Variants in UACA observed in about 807,000 individuals in gnomAD.
UACA encodes the protein uveal autoantigen with coiled-coil domains and ankyrin repeats, also known as nuclear membrane binding protein.
UACA carries 112 observed loss-of-function variants against 160.5 expected under a neutral mutation model. The observed-to-expected ratio is 0.70, with a 90% confidence interval of 0.60 to 0.82. The LOEUF (loss-of-function observed/expected upper bound fraction) is 0.82, where lower values mean the gene tolerates loss of function less well. Among genes scored for constraint, UACA ranks in the 40% least tolerant of loss-of-function variants. The probability of loss-of-function intolerance (pLI) is 0.00; values close to 1 mark genes in which losing one functional copy is unlikely to be tolerated. For missense variants in UACA, 1,574 were observed against 1,614.6 expected, an observed-to-expected ratio of 0.97 and a Z score of 0.43; for synonymous variants, 557 against 568.4, an observed-to-expected ratio of 0.98 and a Z score of 0.29.
At chr15:70,717,191 A>T (rs1212456185) in intron 1 of UACA, among the ~76,000 whole-genome samples, 1 of 152,212 alleles carries the variant, frequency 6.6e-6, no homozygotes, top group African/African-American at 2.4e-5. Context: ...ATTGCACTCC[A>T]ACCTGAGCAA....
At chr15:70,686,683 TA>T (rs1156931242) in intron 7 of UACA, among the ~76,000 whole-genome samples, 2 of 152,038 alleles carry the variant, frequency 1.3e-5, no homozygotes, top group East Asian at 3.8e-4. Flanking sequence ...AACTAAAGAC[TA>T]TTTTTTATAC....
rs151041477 is a variant in UACA at position 70,749,127 on chromosome 15, A to G, written c.78+14203T>C. The G allele has an allele frequency of 3.0e-4, 112 of 377,272 alleles. 1 individual carries two copies. In the East Asian group the frequency reaches 9.3e-3, roughly 31 times the overall value. The allele number at this position is 377,272 out of a possible 1,614,324, so 23.4% of individuals were successfully genotyped here. ...TATTATACATATATAGAGTGAATGCACCAAAATGTTAACTTTCGGATCTAA... is the reference window on the plus strand; with the variant it reads ...TATTATACATATATAGAGTGAATGCGCCAAAATGTTAACTTTCGGATCTAA... On this transcript the variant is annotated intron_variant, in intron 1 of 18. Transcript: ENST00000322954.
At chr15:70,725,203 T>TA (rs1899109322) in intron 1 of UACA, among the ~76,000 whole-genome samples, 1 of 152,154 alleles carries the variant, frequency 6.6e-6, no homozygotes, top group Non-Finnish European at 1.5e-5. Context: ...CATAATGATA[T>TA]AAAAAATCTA....
At chr15:70,678,730 T>C (rs987746487) in intron 10 of UACA, among the ~76,000 whole-genome samples, 1 of 152,202 alleles carries the variant, frequency 6.6e-6, no homozygotes, top group Admixed American at 6.5e-5. Flanking sequence ...GGTGTTTCAG[T>C]CATAAAATTA....
At chr15:70,657,173 T>A (rs372872951) in intron 18 of UACA, 46 bp from the exon 19 acceptor site, 25 of 1,491,428 alleles carry the variant, frequency 1.7e-5, no homozygotes, top group Non-Finnish European at 2.2e-5. Flanking sequence ...GTCATCTTTG[T>A]TTACATAAGA....
intron 1 of UACA, among the ~76,000 whole-genome samples, chr15:70,748,515 C>T (rs1029898469): frequency 6.6e-6 from 1 of 152,154 alleles, no homozygotes; most frequent in African/African-American, 2.4e-5. Context: ...TCCAAAGCTC[C>T]GGTACTTGGC....
chr15:70,729,354 A>AT (rs1899246654), intron 1 of UACA, among the ~76,000 whole-genome samples: 2 of 152,228 alleles, frequency 1.3e-5, no homozygotes, highest in South Asian at 2.1e-4. Flanking sequence ...CTACTTAGCC[A>AT]TAAAAAAAGA....
intron 1 of UACA, among the ~76,000 whole-genome samples, chr15:70,748,322 C>T (rs896958973): frequency 1.3e-5 from 2 of 152,276 alleles, no homozygotes; most frequent in East Asian, 1.9e-4. Context: ...GTAGTCTATA[C>T]ACCACTATGC....
At chr15:70,714,172 A>G (rs551726785) in intron 1 of UACA, among the ~76,000 whole-genome samples, 17 of 152,338 alleles carry the variant, frequency 1.1e-4, no homozygotes, top group Admixed American at 3.3e-4. Flanking sequence ...CATTCCTTGA[A>G]GATTAGGCTG....
At chr15:70,709,992 G>T (rs2140978109) in intron 1 of UACA, among the ~76,000 whole-genome samples, 1 of 152,202 alleles carries the variant, frequency 6.6e-6, no homozygotes, top group South Asian at 2.1e-4. Flanking sequence ...AATCTAATGA[G>T]GCAGGGTGTG....
intron 17 of UACA, among the ~76,000 whole-genome samples, chr15:70,662,783 T>C (rs1044327881): frequency 1.3e-5 from 2 of 152,186 alleles, no homozygotes; most frequent in Admixed American, 6.5e-5. Context: ...ATTTAATAAA[T>C]GGTGCTGGGA....
intron 1 of UACA, among the ~76,000 whole-genome samples, chr15:70,721,436 TA>T (rs1898989102): frequency 6.6e-6 from 1 of 152,014 alleles, no homozygotes; most frequent in South Asian, 2.1e-4. Flanking sequence ...CCATCCTGGC[TA>T]ACACGGTGAA....
At chr15:70,742,990 A>C (rs1267060944) in intron 1 of UACA, among the ~76,000 whole-genome samples, 1 of 152,192 alleles carries the variant, frequency 6.6e-6, no homozygotes, top group Non-Finnish European at 1.5e-5. Context: ...GGTGCCAGCC[A>C]GGCTGGGTTC....
At chr15:70,749,157 C>T in intron 1 of UACA, 1 of 412,102 alleles carries the variant, frequency 2.4e-6, no homozygotes, top group Non-Finnish European at 4.9e-6. Context: ...ATCTAAGTAG[C>T]ATGCAGGTGG....
intron 1 of UACA, among the ~76,000 whole-genome samples, chr15:70,756,081 CTCTT>C (rs1396650697): frequency 2.0e-5 from 3 of 152,220 alleles, no homozygotes; most frequent in Admixed American, 1.3e-4. Context: ...CTGTGACTAG[CTCTT>C]TCTAATTACA....
At chr15:70,717,695 T>C (rs977673992) in intron 1 of UACA, among the ~76,000 whole-genome samples, 8 of 152,192 alleles carry the variant, frequency 5.3e-5, no homozygotes, top group Non-Finnish European at 8.8e-5. Flanking sequence ...ATCTGCAAAA[T>C]TGCACAATGT....
intron 9 of UACA, among the ~76,000 whole-genome samples, chr15:70,680,706 C>T (rs1413749569): frequency 6.6e-6 from 1 of 152,158 alleles, no homozygotes; most frequent in African/African-American, 2.4e-5. Context: ...TATATCCTAA[C>T]TCAGACATAC....
the UACA span, among the ~76,000 whole-genome samples, chr15:70,769,843 A>G: frequency 6.6e-6 from 1 of 152,122 alleles, no homozygotes; most frequent in Non-Finnish European, 1.5e-5. Context: ...CTAAAAATAC[A>G]AAAATTGGCT....
At chr15:70,696,105 G>T (rs1216278500) in intron 2 of UACA, among the ~76,000 whole-genome samples, 2 of 152,160 alleles carry the variant, frequency 1.3e-5, no homozygotes. Flanking sequence ...AAAGTGCTCA[G>T]CAGGTGCCAG....
Sources: gnomAD v4.1 joint callset for allele counts (sites outside exome capture counted in the v4.1 genomes callset) on GRCh38, gnomAD v4.1.1 for gene constraint, MANE v1.5 for transcripts, NCBI Gene and HGNC (gene_info 2026-07-23, HGNC 2026-07-21) for gene names.